Variants in BMPR1A observed in about 807,000 individuals in gnomAD.
The protein encoded by BMPR1A is bone morphogenetic protein receptor type-1A.
Under a neutral mutation model 66.0 loss-of-function variants are expected in BMPR1A, and 7 were observed. The observed-to-expected ratio is 0.11, with a 90% confidence interval of 0.06 to 0.20. The LOEUF (loss-of-function observed/expected upper bound fraction) is 0.20, where lower values mean the gene tolerates loss of function less well. Ranked by LOEUF, BMPR1A falls within the 10% of genes least tolerant of loss-of-function variation. The pLI is 1.00. For missense variants in BMPR1A, 408 were observed against 669.1 expected (o/e 0.61, Z 4.31); for synonymous variants, 200 against 229.7 (o/e 0.87, Z 1.17).
At chr10:86,882,500 CAT>C (rs1843003233) in intron 3 of BMPR1A, among the ~76,000 whole-genome samples, 1 of 151,966 alleles carries the variant, frequency 6.6e-6, no homozygotes, top group Admixed American at 6.6e-5. Context: ...GGACAAGAAG[CAT>C]ATACATCAAA....
chr10:86,837,419 A>G (rs1842369339), intron 1 of BMPR1A, among the ~76,000 whole-genome samples: 1 of 152,126 alleles, frequency 6.6e-6, no homozygotes, highest in Non-Finnish European at 1.5e-5. Flanking sequence ...TTTTACTTTT[A>G]TGGGGATAAA....
rs1843730919 is a variant in BMPR1A at position 86,925,728 on chromosome 10, T to TTTTTTTTTTG, written c.*2018_*2019insGTTTTTTTTT. 7.4e-6 allele frequency: 1 copy of TTTTTTTTTTG among 136,010 alleles called. No individual in the cohort carries two copies. The highest frequency in any genetic ancestry group is 1.4e-5 in the Non-Finnish European group (1 of 70,256). The allele number at this position is 136,010 out of a possible 1,614,324, so 8.4% of individuals were successfully genotyped here. A position where few individuals can be genotyped will look rare whatever the true frequency, so the allele number is the denominator to read the frequency against. On this transcript the variant is annotated 3_prime_UTR_variant, in exon 13 of 13. Coordinates refer to ENST00000372037, the MANE Select transcript of BMPR1A (RefSeq NM_004329.3). ...TTTAAAATCATTTGTCATCTTTTTT[T>TTTTTTTTTTG]TTTTTTTTTTGAGACGGAGTCTCGC...
chr10:86,772,996 A>G (rs1268403209), intron 1 of BMPR1A, among the ~76,000 whole-genome samples: 2 of 152,186 alleles, frequency 1.3e-5, no homozygotes, highest in Non-Finnish European at 2.9e-5. Context: ...AATTTGTGCA[A>G]ATAAGTTGAG....
Position 86,892,583 on chromosome 10 carries a change from T to G in BMPR1A, c.333+354T>G, listed in dbSNP as rs560206694. Among the ~76,000 whole-genome samples, 81 of 152,274 alleles carry G rather than the reference T, an allele frequency of 5.3e-4. 1 individual carries two copies. In the South Asian group the frequency reaches 0.017, roughly 31 times the overall value. On this transcript the variant is annotated intron_variant, in intron 5 of 12. Coordinates refer to ENST00000372037, the MANE Select transcript of BMPR1A (RefSeq NM_004329.3). ...AGCTGAGACTACAGGTGCATGCCAC[T>G]ATACCTGGCTAATTTTTGTATTTTT... is the stretch of plus-strand genomic sequence containing the variant.
At chr10:86,827,822 A>G (rs753792442) in intron 1 of BMPR1A, among the ~76,000 whole-genome samples, 3 of 152,164 alleles carry the variant, frequency 2.0e-5, no homozygotes, top group African/African-American at 4.8e-5. Context: ...TCATTCAGGT[A>G]TGTCATCTCT....
intron 1 of BMPR1A, among the ~76,000 whole-genome samples, chr10:86,798,173 A>C (rs889327045): frequency 6.6e-6 from 1 of 151,062 alleles, no homozygotes; most frequent in African/African-American, 2.4e-5. Context: ...TTTTAGTCCT[A>C]TTTTTTTTTA....
intron 2 of BMPR1A, among the ~76,000 whole-genome samples, chr10:86,872,646 A>C (rs1842866837): frequency 6.6e-6 from 1 of 152,086 alleles, no homozygotes; most frequent in South Asian, 2.1e-4. Context: ...AAAATATTTA[A>C]ATTTATTTAA....
chr10:86,786,523 T>A (rs1317188960), intron 1 of BMPR1A, among the ~76,000 whole-genome samples: 1 of 152,200 alleles, frequency 6.6e-6, no homozygotes, highest in Non-Finnish European at 1.5e-5. Flanking sequence ...TGAAACACTT[T>A]GTTCACTTGG....
chr10:86,880,132 G>A (rs11595382), intron 3 of BMPR1A, among the ~76,000 whole-genome samples: 3,989 of 152,290 alleles, frequency 0.026, 77 homozygotes, highest in Middle Eastern at 0.044. Flanking sequence ...GCCTGACTGA[G>A]TCAGCCTGGG....
intron 1 of BMPR1A, among the ~76,000 whole-genome samples, chr10:86,795,369 CA>C (rs931114857): frequency 4.3e-4 from 65 of 151,328 alleles, no homozygotes; most frequent in African/African-American, 1.4e-3. Flanking sequence ...CAGTGTTTGA[CA>C]AAAATATCAC....
intron 1 of BMPR1A, among the ~76,000 whole-genome samples, chr10:86,799,885 T>C (rs1841787594): frequency 6.6e-6 from 1 of 152,162 alleles, no homozygotes; most frequent in Non-Finnish European, 1.5e-5. Context: ...ATATAGTAAA[T>C]TACTTTTTAA....
chr10:86,774,131 T>A (rs1411415877), intron 1 of BMPR1A, among the ~76,000 whole-genome samples: 4 of 152,170 alleles, frequency 2.6e-5, no homozygotes, highest in Non-Finnish European at 5.9e-5. Context: ...ATTACAAGCG[T>A]GAGCCACCGC....
rs141596591 is a variant in BMPR1A, at chr10:86,766,948, G to T, written c.-268+10029G>T. On this transcript the variant is annotated intron_variant, in intron 1 of 12. Transcript: ENST00000372037. ...AAGTGATTCTCCTGACTCAGCCTCC[G>T]GAGTAGCTCAGACAACAGGTGCACG... Among the ~76,000 whole-genome samples the T allele has an allele frequency of 1.3e-3, 202 of 151,664 alleles. 1 individual carries two copies. The highest frequency in any genetic ancestry group is 1.8e-3 in the Admixed American group (28 of 15,220).
intron 3 of BMPR1A, among the ~76,000 whole-genome samples, chr10:86,884,116 CCT>C (rs907778081): frequency 6.6e-6 from 1 of 152,046 alleles, no homozygotes; most frequent in Non-Finnish European, 1.5e-5. Flanking sequence ...GATCCACCCA[CCT>C]CGGCCTCCCA....
intron 3 of BMPR1A, among the ~76,000 whole-genome samples, chr10:86,882,775 G>A (rs1843007582): frequency 2.0e-5 from 3 of 151,572 alleles, no homozygotes; most frequent in African/African-American, 7.3e-5. Context: ...GACCAGCCTG[G>A]CCAACATGGA....
At chr10:86,771,470 A>G (rs1841260339) in intron 1 of BMPR1A, among the ~76,000 whole-genome samples, 2 of 152,218 alleles carry the variant, frequency 1.3e-5, no homozygotes, top group Admixed American at 6.5e-5. Context: ...TATAGTTACT[A>G]TTATCAGTTC....
intron 10 of BMPR1A, 74 bp downstream of exon 10, chr10:86,919,543 A>G: frequency 6.4e-7 from 1 of 1,566,928 alleles, no homozygotes; most frequent in South Asian, 1.1e-5. Flanking sequence ...TGTATTCAAG[A>G]TAATGGAATT....
chr10:86,851,378 T>C (rs1842564698), intron 2 of BMPR1A, among the ~76,000 whole-genome samples: 1 of 152,248 alleles, frequency 6.6e-6, no homozygotes, highest in Non-Finnish European at 1.5e-5. Context: ...AGAAATGTGC[T>C]AGACAGTGGC....
At chr10:86,876,798 A>G (rs1589757374) in intron 3 of BMPR1A, among the ~76,000 whole-genome samples, 1 of 152,174 alleles carries the variant, frequency 6.6e-6, no homozygotes, top group East Asian at 1.9e-4. Context: ...ATTTCATTTT[A>G]TTGTTGTTAA....
Sources: gnomAD v4.1 joint callset for allele counts (sites outside exome capture counted in the v4.1 genomes callset) on GRCh38, gnomAD v4.1.1 for gene constraint, MANE v1.5 for transcripts, NCBI Gene and HGNC (gene_info 2026-07-23, HGNC 2026-07-21) for gene names.